Variants in GARRE1 observed in about 807,000 individuals in gnomAD.
GARRE1 encodes the protein granule associated Rac and RHOG effector 1.
Under a neutral mutation model 103.2 loss-of-function variants are expected in GARRE1, and 49 were observed. The ratio of observed to expected loss-of-function variants is 0.47; its 90% CI spans 0.38 to 0.60. The LOEUF is 0.60. Ranked by LOEUF, GARRE1 falls within the 20% of genes least tolerant of loss-of-function variation. GARRE1 has a pLI of 0.00. For synonymous variants in GARRE1, 505 were observed against 532.8 expected (o/e 0.95, Z 0.72); for missense variants, 1,199 against 1,370.5 (o/e 0.87, Z 1.98).
chr19:34,277,652 A>G (rs1445762037), intron 1 of GARRE1, among the ~76,000 whole-genome samples: 2 of 152,210 alleles, frequency 1.3e-5, no homozygotes, highest in African/African-American at 4.8e-5. Flanking sequence ...GCTAAAATTA[A>G]TTAGTGAGTT....
Position 34,300,716 on chromosome 19 carries a change from C to G in GARRE1, c.243C>G (p.Ser81=). The G allele has an allele frequency of 6.2e-7, 1 of 1,614,212 alleles. No individual in the cohort carries two copies. Among genetic ancestry groups the G allele is most frequent in the Non-Finnish European group, 8.5e-7 (1 of 1,180,044 alleles). Reference sequence around the variant, plus strand: ...TCGCCGACATCCAGCAGGGCATCTCCAAGTATCTGGATGCCCTGAACGTCT... The same window carrying G: ...TCGCCGACATCCAGCAGGGCATCTCGAAGTATCTGGATGCCCTGAACGTCT... ...TPIADIQQGI[S]KYLDALNVFC... is the part of the protein sequence containing the mutation. The change falls in exon 2 of 14, where the codon TCC becomes TCG. Residue 81 remains serine, a synonymous_variant. Coordinates refer to ENST00000299505, the MANE Select transcript of GARRE1 (RefSeq NM_014686.5).
Position 34,297,288 on chromosome 19 carries a change from A to C in GARRE1, c.-795-2391A>C, listed in dbSNP as rs75831286. The stretch of plus-strand genomic sequence containing the variant: ...GGGCGACAGAGCACAACTCTGTCTC[A>C]AAAAAAAAAATATTTTGATAAAAAT... On this transcript the variant is annotated intron_variant, in intron 1 of 13. Coordinates refer to ENST00000299505, the MANE Select transcript of GARRE1 (RefSeq NM_014686.5). Among the ~76,000 whole-genome samples, 16 of 149,534 alleles carry C rather than the reference A, an allele frequency of 1.1e-4. No homozygotes were observed. In the South Asian group the frequency reaches 3.4e-3, roughly 32 times the overall value.
intron 2 of GARRE1, 102 bp from the exon 3 acceptor site, chr19:34,319,805 C>T (rs1373093121): frequency 1.0e-6 from 1 of 969,978 alleles, no homozygotes; most frequent in African/African-American, 1.6e-5. Flanking sequence ...TTTGGATTTC[C>T]AGTTAACTAT....
intron 12 of GARRE1, among the ~76,000 whole-genome samples, chr19:34,350,794 G>A (rs2074232577): frequency 6.6e-6 from 1 of 152,182 alleles, no homozygotes; most frequent in Admixed American, 6.5e-5. Flanking sequence ...TGTTAGCCAG[G>A]ATGGTCTTGA....
chr19:34,349,330 C>T (rs1019617016), intron 12 of GARRE1, among the ~76,000 whole-genome samples, 177 bp downstream of exon 12: 1 of 152,116 alleles, frequency 6.6e-6, no homozygotes, highest in Non-Finnish European at 1.5e-5. Context: ...AGGCGGTTTC[C>T]ACAAGGAAGA....
At chr19:34,256,004 A>C (rs550425112) in intron 1 of GARRE1, among the ~76,000 whole-genome samples, 1 of 151,682 alleles carries the variant, frequency 6.6e-6, no homozygotes, top group East Asian at 2.0e-4. Context: ...ACGCCCGGCT[A>C]ATTTTTGTAT....
At chr19:34,302,169 T>C (rs2073983079) in intron 2 of GARRE1, among the ~76,000 whole-genome samples, 1 of 150,866 alleles carries the variant, frequency 6.6e-6, no homozygotes, top group South Asian at 2.1e-4. Context: ...TTTGTATTTT[T>C]AGTAGAGACG....
At chr19:34,290,728 A>G (rs1014572021) in intron 1 of GARRE1, among the ~76,000 whole-genome samples, 14 of 151,998 alleles carry the variant, frequency 9.2e-5, no homozygotes, top group African/African-American at 3.4e-4. Context: ...GCCTCAAATG[A>G]TCTTTCCAGC....
At chr19:34,323,182 C>T (rs528537981) in intron 3 of GARRE1, among the ~76,000 whole-genome samples, 3 of 151,688 alleles carry the variant, frequency 2.0e-5, no homozygotes, top group South Asian at 2.1e-4. Context: ...CAGGTGCCTG[C>T]CATCTCACCT....
chr19:34,340,194 C>T (rs1042089277), intron 9 of GARRE1, among the ~76,000 whole-genome samples: 1 of 152,186 alleles, frequency 6.6e-6, no homozygotes, highest in African/African-American at 2.4e-5. Flanking sequence ...TGCCCTGTAC[C>T]AGATTCCCCT....
At chr19:34,338,879 A>AG (rs1017052748) in intron 8 of GARRE1, among the ~76,000 whole-genome samples, 1 of 152,158 alleles carries the variant, frequency 6.6e-6, no homozygotes, top group Admixed American at 6.5e-5. Context: ...CCCTATATGA[A>AG]GGATGGGCTT....
chr19:34,296,895 T>C (rs2073950649), intron 1 of GARRE1, among the ~76,000 whole-genome samples: 1 of 152,160 alleles, frequency 6.6e-6, no homozygotes, highest in South Asian at 2.1e-4. Context: ...GTTCTCACCT[T>C]GGCCACCTCT....
chr19:34,277,626 TC>T (rs2073824548), intron 1 of GARRE1, among the ~76,000 whole-genome samples: 1 of 152,146 alleles, frequency 6.6e-6, no homozygotes, highest in African/African-American at 2.4e-5. Flanking sequence ...TATGTTTAGT[TC>T]CCCACTTTAA....
intron 1 of GARRE1, among the ~76,000 whole-genome samples, chr19:34,292,821 C>A (rs548768102): frequency 6.6e-6 from 1 of 151,946 alleles, no homozygotes; most frequent in Non-Finnish European, 1.5e-5. Flanking sequence ...TGCAAGGCTC[C>A]GCCTTCCGGG....
chr19:34,334,956 C>A (rs1251856784), intron 8 of GARRE1, among the ~76,000 whole-genome samples: 1 of 151,614 alleles, frequency 6.6e-6, no homozygotes, highest in African/African-American at 2.4e-5. Flanking sequence ...GGCAGGAGAA[C>A]CGCTTGAGCC....
intron 1 of GARRE1, among the ~76,000 whole-genome samples, chr19:34,287,155 A>G (rs1404115924): frequency 2.1e-5 from 3 of 144,394 alleles, no homozygotes; most frequent in Non-Finnish European, 4.7e-5. Context: ...AAAAAAAAAA[A>G]GTGTATTCTC....
intron 3 of GARRE1, among the ~76,000 whole-genome samples, chr19:34,322,013 C>G (rs961435304): frequency 2.6e-5 from 4 of 152,050 alleles, no homozygotes; most frequent in African/African-American, 9.7e-5. Flanking sequence ...GGAGCCGCTC[C>G]GGTGGGGGGA....
intron 1 of GARRE1, among the ~76,000 whole-genome samples, chr19:34,257,379 C>T (rs951845178): frequency 2.3e-4 from 35 of 151,982 alleles, no homozygotes; most frequent in African/African-American, 5.8e-4. Context: ...CCTCTGTCCC[C>T]GAGGCTGGAG....
At chr19:34,325,725 C>T (rs2074108521) in intron 3 of GARRE1, among the ~76,000 whole-genome samples, 2 of 152,222 alleles carry the variant, frequency 1.3e-5, no homozygotes, top group Admixed American at 6.5e-5. Flanking sequence ...CCTGCCTAGA[C>T]CTGCCTAGTC....
Sources: allele counts gnomAD v4.1 joint callset (sites outside exome capture counted in the v4.1 genomes callset), GRCh38; gene constraint gnomAD v4.1.1; transcripts MANE v1.5; gene names NCBI Gene and HGNC (gene_info 2026-07-23, HGNC 2026-07-21).